PCDHA3: variants seen among roughly 807,000 people sequenced by gnomAD.
PCDHA3 encodes protocadherin alpha-3.
A neutral mutation model predicts 62.2 loss-of-function variants in PCDHA3; 41 were observed. The ratio of observed to expected loss-of-function variants is 0.66; its 90% CI spans 0.51 to 0.86. The LOEUF is 0.86. Ranked by LOEUF, PCDHA3 falls within the 40% of genes least tolerant of loss-of-function variation. The pLI is 0.00. For missense variants in PCDHA3, 1,304 were observed against 1,241.2 expected, an observed-to-expected ratio of 1.05 and a Z score of -0.76; for synonymous variants, 640 against 555.4, an observed-to-expected ratio of 1.15 and a Z score of -2.14.
chr5:140,883,092 G>C (rs782675726), intron 1 of PCDHA3: 2 of 1,614,108 alleles, frequency 1.2e-6, no homozygotes, highest in Non-Finnish European at 1.7e-6. Flanking sequence ...GGTACAAATG[G>C]AGATATAGTT....
chr5:140,821,079 T>C (rs1277092432), intron 1 of PCDHA3, among the ~76,000 whole-genome samples: 1 of 152,052 alleles, frequency 6.6e-6, no homozygotes, highest in Non-Finnish European at 1.5e-5. Context: ...TAGTTGTTTT[T>C]GAAAATAACA....
chr5:140,959,031 G>A (rs1554223798), intron 1 of PCDHA3, among the ~76,000 whole-genome samples: 1 of 151,806 alleles, frequency 6.6e-6, no homozygotes, highest in Non-Finnish European at 1.5e-5. Flanking sequence ...CTTTATCATG[G>A]GTATGTATGT....
chr5:140,931,209 A>C (rs1554208285), intron 1 of PCDHA3, among the ~76,000 whole-genome samples: 1 of 152,184 alleles, frequency 6.6e-6, no homozygotes, highest in African/African-American at 2.4e-5. Context: ...CTAGTATTTC[A>C]GGTATCAGAG....
Position 140,801,573 on chromosome 5 carries a change from A to G in PCDHA3, c.376A>G (p.Ile126Val). 1.2e-6 allele frequency: 2 copies of G among 1,614,270 alleles called. No homozygotes were observed. Among genetic ancestry groups the G allele is most frequent in the South Asian group, 2.2e-5 (2 of 91,088 alleles). ...VFHVEVEVKDINDNAPVFPMA... is the reference protein window; with the variant it reads ...VFHVEVEVKDVNDNAPVFPMA... Reference sequence around the variant, plus strand: ...CCATGTGGAGGTGGAAGTGAAGGACATTAATGACAACGCGCCAGTTTTTCC... The same window carrying G: ...CCATGTGGAGGTGGAAGTGAAGGACGTTAATGACAACGCGCCAGTTTTTCC... Residue 126 changes from isoleucine (I) to valine (V), a missense_variant, in exon 1 of 4, where the codon ATT becomes GTT. Coordinates refer to ENST00000522353, the MANE Select transcript of PCDHA3 (RefSeq NM_018906.3).
At chr5:140,984,859 A>G (rs1368341114) in intron 3 of PCDHA3, among the ~76,000 whole-genome samples, 1 of 152,046 alleles carries the variant, frequency 6.6e-6, no homozygotes, top group Non-Finnish European at 1.5e-5. Flanking sequence ...TAATAATAAC[A>G]CCTATTTTAT....
chr5:140,932,125 A>G (rs1272736604), intron 1 of PCDHA3, among the ~76,000 whole-genome samples: 1 of 151,932 alleles, frequency 6.6e-6, no homozygotes, highest in African/African-American at 2.4e-5. Context: ...ATAATATTTA[A>G]GATATAAACA....
chr5:140,914,458 A>T (rs1294717004), intron 1 of PCDHA3, among the ~76,000 whole-genome samples: 2 of 152,004 alleles, frequency 1.3e-5, no homozygotes, highest in African/African-American at 4.8e-5. Flanking sequence ...TTTCCAGTCT[A>T]TGTGTATCTT....
In PCDHA3 at chr5:140,915,626, GTCTCTCTC is replaced by G. The variant is rs57920489; in HGVS notation, c.2395-63300_2395-63293del. ...ACTTTCTGTCAAACAGTCTCTTTCT[GTCTCTCTC>G]TCTCTCTCTCTCTCTCTCTCTCAAG... is the stretch of plus-strand genomic sequence containing the variant. On this transcript the variant is annotated intron_variant, in intron 1 of 3. Transcript: ENST00000522353. Among the ~76,000 whole-genome samples, 662 of 146,534 alleles carry G rather than the reference GTCTCTCTC, an allele frequency of 4.5e-3. 3 individuals are homozygous for G. The highest frequency in any genetic ancestry group is 0.016 in the African/African-American group (641 of 39,750).
intron 1 of PCDHA3, among the ~76,000 whole-genome samples, chr5:140,900,615 T>C (rs1554189289): frequency 1.3e-5 from 2 of 152,336 alleles, no homozygotes; most frequent in East Asian, 3.9e-4. Context: ...GACATGTAGA[T>C]TGCTTCCAAA....
At chr5:140,862,994 G>T (rs199654880) in intron 1 of PCDHA3, 1 of 549,002 alleles carries the variant, frequency 1.8e-6, no homozygotes. Flanking sequence ...GGTGCGCACG[G>T]TGGACTCCAG....
At chr5:140,913,414 C>T (rs1451385869) in intron 1 of PCDHA3, among the ~76,000 whole-genome samples, 3 of 152,102 alleles carry the variant, frequency 2.0e-5, no homozygotes, top group African/African-American at 7.2e-5. Context: ...TGAATTCCTG[C>T]AGTATCAGTT....
intron 1 of PCDHA3, chr5:140,969,141 G>A: frequency 6.2e-7 from 1 of 1,614,158 alleles, no homozygotes; most frequent in South Asian, 1.1e-5. Flanking sequence ...AAGACCTACT[G>A]CTACAAGGCC....
At chr5:140,935,598 G>A (rs540310470) in intron 1 of PCDHA3, among the ~76,000 whole-genome samples, 5 of 152,148 alleles carry the variant, frequency 3.3e-5, no homozygotes, top group Admixed American at 6.5e-5. Context: ...TAGATACAGA[G>A]CTAGGCTTTT....
Position 140,822,346 on chromosome 5 carries a change from T to C in PCDHA3, c.2394+18755T>C, listed in dbSNP as rs1304224599. The stretch of plus-strand genomic sequence containing the variant: ...AACAAATGAAGAAGAAACGAACTTT[T>C]TAGAGCTGGTTTTGAGGAAATCCTT... On this transcript the variant is annotated intron_variant, in intron 1 of 3. Coordinates refer to ENST00000522353, the MANE Select transcript of PCDHA3 (RefSeq NM_018906.3). The C allele has an allele frequency of 2.5e-6, 4 of 1,613,992 alleles. No homozygotes were observed. In the African/African-American group the frequency reaches 5.3e-5, roughly 22 times the overall value.
In PCDHA3 at chr5:140,803,005, A is replaced by G. The variant is rs1763087984; in HGVS notation, c.1808A>G (p.Tyr603Cys). Reference protein sequence around the residue: ...KVRAVDADSGYNAWLSYELQP... With the variant: ...KVRAVDADSGCNAWLSYELQP... ...CGCGCAGTGGATGCAGACTCAGGCT[A>G]CAACGCGTGGCTTTCGTATGAGCTG... The change falls in exon 1 of 4, where the codon TAC becomes TGC. Residue 603 changes from tyrosine (Y) to cysteine (C), a missense_variant. By Grantham distance (194) the Tyr-to-Cys change is radical. Transcript: ENST00000522353. The G allele has an allele frequency of 1.2e-6, 2 of 1,614,028 alleles. No homozygotes were observed. Among genetic ancestry groups the G allele is most frequent in the Non-Finnish European group, 1.7e-6 (2 of 1,179,926 alleles).
At chr5:140,869,037 C>G (rs547872988) in intron 1 of PCDHA3, 1 of 1,528,286 alleles carries the variant, frequency 6.5e-7, no homozygotes, top group African/African-American at 1.4e-5. Context: ...AGATTTTTAA[C>G]CTGAAACTGA....
At position 140,982,527 on chromosome 5, in the gene PCDHA3, G is replaced by A. The variant is rs2096986081; in HGVS notation, c.2506G>A (p.Asp836Asn). ...TCTACGGGCTGGTCCAGGAGGGCCT[G>A]ATCAGCAGTGGCCAACAGTATCCAG... is the stretch of plus-strand genomic sequence containing the variant. ...GILRAGPGGP[D>N]QQWPTVSSAT... is the part of the protein sequence containing the mutation. Residue 836 changes from aspartate to asparagine, a missense_variant, in exon 3 of 4, where the codon GAT becomes AAT. By Grantham distance (23) the Asp-to-Asn change is conservative. Coordinates refer to ENST00000522353, the MANE Select transcript of PCDHA3 (RefSeq NM_018906.3). 1 of 1,614,218 alleles carries A rather than the reference G, an allele frequency of 6.2e-7. No individual in the cohort carries two copies. Among genetic ancestry groups the A allele is most frequent in the Admixed American group, 1.7e-5 (1 of 60,034 alleles).
intron 1 of PCDHA3, among the ~76,000 whole-genome samples, chr5:140,937,096 G>T (rs1173485186): frequency 4.1e-5 from 6 of 146,810 alleles, no homozygotes; most frequent in African/African-American, 1.5e-4. Context: ...GGAGTGCAGT[G>T]GCGCAGTCTC....
rs1476497862 is a variant in PCDHA3 at position 140,947,129 on chromosome 5, T to TAGTAAAATG, written c.2395-31819_2395-31811dup. Among the ~76,000 whole-genome samples the TAGTAAAATG allele has an allele frequency of 1.0e-3, 152 of 151,378 alleles. 1 individual carries two copies. Among genetic ancestry groups the TAGTAAAATG allele is most frequent in the African/African-American group, 3.5e-3 (145 of 41,346 alleles). On this transcript the variant is annotated intron_variant, in intron 1 of 3. Transcript: ENST00000522353. The stretch of plus-strand genomic sequence containing the variant: ...TACGTGTCAATTAAAATAATAAAAA[T>TAGTAAAATG]AGTAAAATGTATAGTTACTTCCACG...
Sources: allele counts gnomAD v4.1 joint callset (sites outside exome capture counted in the v4.1 genomes callset), GRCh38; gene constraint gnomAD v4.1.1; transcripts MANE v1.5; gene names NCBI Gene and HGNC (gene_info 2026-07-23, HGNC 2026-07-21).